The following ANKRD28 variants were observed in gnomAD, a reference collection of about 807,000 sequenced individuals.
ANKRD28 encodes serine/threonine-protein phosphatase 6 regulatory ankyrin repeat subunit A.
A neutral mutation model predicts 126.5 loss-of-function variants in ANKRD28; 44 were observed. That is an observed-to-expected ratio of 0.35 (90% confidence interval 0.27 to 0.45). ANKRD28 has a LOEUF of 0.45. Ranked by LOEUF, ANKRD28 falls within the 20% of genes least tolerant of loss-of-function variation. The pLI is 1.00. For missense variants in ANKRD28, 1,110 were observed against 1,316.6 expected (o/e 0.84, Z 2.43); for synonymous variants, 442 against 468.5 (o/e 0.94, Z 0.73).
intron 14 of ANKRD28, among the ~76,000 whole-genome samples, chr3:15,701,911 C>T (rs2070687626): frequency 6.6e-6 from 1 of 152,136 alleles, no homozygotes; most frequent in Non-Finnish European, 1.5e-5. Context: ...GAATACTTTA[C>T]AGGCAAAAAC....
intron 2 of ANKRD28, among the ~76,000 whole-genome samples, chr3:15,775,242 T>C (rs2059203814): frequency 6.6e-6 from 1 of 152,248 alleles, no homozygotes; most frequent in African/African-American, 2.4e-5. Context: ...ACATATAAAA[T>C]GTGCCTGAAA....
chr3:15,708,223 TAGA>T (rs1034174188), intron 13 of ANKRD28, among the ~76,000 whole-genome samples, 159 bp from the exon 14 acceptor site: 5 of 152,176 alleles, frequency 3.3e-5, no homozygotes, highest in Admixed American at 1.3e-4. Context: ...GACATAAAGC[TAGA>T]AGAAGAAAGC....
At position 15,743,999 on chromosome 3, in the gene ANKRD28, A is replaced by G. The variant is rs1053080161; in HGVS notation, c.352-6766T>C. On this transcript the variant is annotated intron_variant, in intron 4 of 27. Coordinates refer to ENST00000683139, the MANE Select transcript of ANKRD28 (RefSeq NM_001349278.2). ...TCTCCCATGGTATCTCAAAAATATA[A>G]ACCAAAAGCCACCTACAGGTGAAAA... 3.3e-5 allele frequency among the ~76,000 whole-genome samples: 5 copies of G among 152,340 alleles called. 1 individual carries two copies. The highest frequency in any genetic ancestry group is 3.3e-4 in the Admixed American group (5 of 15,308).
intron 16 of ANKRD28, 79 bp downstream of exon 16, chr3:15,695,109 G>T: frequency 8.6e-7 from 1 of 1,159,818 alleles, no homozygotes; most frequent in Non-Finnish European, 1.3e-6. Context: ...CAGCTCTAAT[G>T]AGAGCAAACA....
intron 1 of ANKRD28, among the ~76,000 whole-genome samples, chr3:15,809,350 C>T (rs888143712): frequency 3.9e-5 from 6 of 152,216 alleles, no homozygotes; most frequent in African/African-American, 1.4e-4. Flanking sequence ...TTGTAACAGA[C>T]ACAGGTACTT....
At chr3:15,787,495 C>T (rs1335329680) in intron 2 of ANKRD28, among the ~76,000 whole-genome samples, 1 of 152,184 alleles carries the variant, frequency 6.6e-6, no homozygotes, top group African/African-American at 2.4e-5. Flanking sequence ...TGCCTGCCCC[C>T]ACCTTCACTC....
Position 15,830,722 on chromosome 3 carries a change from C to T in ANKRD28, c.27+28655G>A, listed in dbSNP as rs1381944623. Among the ~76,000 whole-genome samples, 1 of 152,054 alleles carries T rather than the reference C, an allele frequency of 6.6e-6. No homozygotes were observed. The highest frequency in any genetic ancestry group is 1.5e-5 in the Non-Finnish European group (1 of 68,014). On this transcript the variant is annotated intron_variant, in intron 1 of 27. Coordinates refer to the ANKRD28 transcript ENST00000399451. This position sits in a 1 kb window ranked among gnomAD's most constrained non-coding sequence, Gnocchi z 4.5. Reference sequence around the variant, plus strand: ...TCAGCTCCTAGGAGGTAACTGCTAACCCCTTGGAATGTCCTGCTTGATAAA... The same window carrying T: ...TCAGCTCCTAGGAGGTAACTGCTAATCCCTTGGAATGTCCTGCTTGATAAA...
chr3:15,834,010 AT>A (rs1300194508), intron 1 of ANKRD28, among the ~76,000 whole-genome samples: 1 of 151,362 alleles, frequency 6.6e-6, no homozygotes, highest in Non-Finnish European at 1.5e-5. Flanking sequence ...TTTTGCACAT[AT>A]TTTTTCCCCT....
intron 1 of ANKRD28, among the ~76,000 whole-genome samples, chr3:15,840,510 G>A (rs2061405193): frequency 6.6e-6 from 1 of 151,844 alleles, no homozygotes. Flanking sequence ...AAATACCAAT[G>A]ACATTCTTCA....
chr3:15,708,181 G>T, intron 13 of ANKRD28, 117 bp from the exon 14 acceptor site: 1 of 1,182,312 alleles, frequency 8.5e-7, no homozygotes, highest in Non-Finnish European at 1.2e-6. Context: ...GTGAGACTTA[G>T]ACTACCATAT....
intron 2 of ANKRD28, among the ~76,000 whole-genome samples, chr3:15,784,221 G>C (rs1014958850): frequency 4.6e-5 from 7 of 151,956 alleles, no homozygotes; most frequent in African/African-American, 1.7e-4. Flanking sequence ...ATCAAAGAAG[G>C]AGTAAGTTAA....
At chr3:15,764,361 C>T (rs1484607811) in intron 3 of ANKRD28, among the ~76,000 whole-genome samples, 1 of 152,194 alleles carries the variant, frequency 6.6e-6, no homozygotes, top group Non-Finnish European at 1.5e-5. Flanking sequence ...TCACAGCTGA[C>T]ATCTAGATAC....
At chr3:15,746,335 G>T (rs2057475675) in intron 4 of ANKRD28, among the ~76,000 whole-genome samples, 1 of 152,126 alleles carries the variant, frequency 6.6e-6, no homozygotes. Flanking sequence ...GTAAAATGCT[G>T]GATGCGAGTT....
At chr3:15,710,914 G>A (rs1165939809) in intron 12 of ANKRD28, among the ~76,000 whole-genome samples, 1 of 151,962 alleles carries the variant, frequency 6.6e-6, no homozygotes, top group African/African-American at 2.4e-5. Context: ...GTTCTCATTT[G>A]AGAACATACT....
intron 3 of ANKRD28, 132 bp downstream of exon 3, chr3:15,766,102 T>TA: frequency 1.6e-6 from 1 of 639,632 alleles, no homozygotes; most frequent in East Asian, 2.8e-5. Flanking sequence ...GGAATGAATA[T>TA]AAAAATAAGT....
intron 6 of ANKRD28, among the ~76,000 whole-genome samples, chr3:15,728,547 G>T (rs1318252463): frequency 6.6e-6 from 1 of 152,154 alleles, no homozygotes; most frequent in African/African-American, 2.4e-5. Flanking sequence ...CTCACACGTT[G>T]GGCTCCCAAG....
chr3:15,708,437 G>GA (rs2071761607), intron 13 of ANKRD28, among the ~76,000 whole-genome samples: 1 of 151,990 alleles, frequency 6.6e-6, no homozygotes, highest in East Asian at 1.9e-4. Flanking sequence ...TACAGAGGTA[G>GA]CAATTTCTAT....
chr3:15,675,514 A>C (rs550979966), intron 27 of ANKRD28, among the ~76,000 whole-genome samples: 1 of 152,210 alleles, frequency 6.6e-6, no homozygotes, highest in Admixed American at 6.5e-5. Context: ...TCAAACTGAC[A>C]TTATGAAGTA....
chr3:15,718,156 A>C (rs747984700), intron 8 of ANKRD28, among the ~76,000 whole-genome samples: 2 of 152,214 alleles, frequency 1.3e-5, no homozygotes, highest in Non-Finnish European at 2.9e-5. Flanking sequence ...CACAGCTATC[A>C]ACATATTGTG....
Sources: gnomAD v4.1 joint callset for allele counts (sites outside exome capture counted in the v4.1 genomes callset) on GRCh38, gnomAD v4.1.1 for gene constraint, Gnocchi (gnomAD v3.1) non-coding constraint, MANE v1.5 for transcripts, NCBI Gene and HGNC (gene_info 2026-07-23, HGNC 2026-07-21) for gene names.